The following CHST9 variants were observed in gnomAD, a reference collection of about 807,000 sequenced individuals.
CHST9 encodes the protein carbohydrate sulfotransferase 9, also known as GalNAc-4-sulfotransferase 2.
Under a neutral mutation model 44.4 loss-of-function variants are expected in CHST9, and 41 were observed. The ratio of observed to expected loss-of-function variants is 0.92; its 90% CI spans 0.72 to 1.20. The LOEUF (loss-of-function observed/expected upper bound fraction) is 1.20, where lower values mean the gene tolerates loss of function less well. CHST9 is among the 50% of genes most tolerant of loss of function. CHST9 has a pLI of 0.00. For synonymous variants in CHST9, 171 were observed against 178.4 expected (o/e 0.96, Z 0.33); for missense variants, 504 against 516.5 (o/e 0.98, Z 0.23).
chr18:27,112,177 A>G (rs2058276991), intron 2 of CHST9, among the ~76,000 whole-genome samples: 1 of 149,732 alleles, frequency 6.7e-6, no homozygotes, highest in African/African-American at 2.4e-5. Flanking sequence ...ACCTACATGT[A>G]TATATATATG....
At chr18:26,955,107 T>A (rs893008178) in intron 4 of CHST9, among the ~76,000 whole-genome samples, 1 of 152,188 alleles carries the variant, frequency 6.6e-6, no homozygotes, top group East Asian at 1.9e-4. Flanking sequence ...TGACTGCTGA[T>A]GAATTCTGGG....
intron 5 of CHST9, among the ~76,000 whole-genome samples, chr18:26,941,561 T>C (rs1255592369): frequency 6.6e-6 from 1 of 151,910 alleles, no homozygotes; most frequent in African/African-American, 2.4e-5. Context: ...AGAAAACCTA[T>C]AGAAGATTTC....
At chr18:27,135,741 C>T (rs1264287913) in intron 2 of CHST9, among the ~76,000 whole-genome samples, 3 of 152,192 alleles carry the variant, frequency 2.0e-5, no homozygotes, top group African/African-American at 4.8e-5. Flanking sequence ...GACCAAGGCA[C>T]GTGTTCCTTA....
At chr18:27,137,994 G>T (rs912933055) in intron 2 of CHST9, among the ~76,000 whole-genome samples, 1 of 152,086 alleles carries the variant, frequency 6.6e-6, no homozygotes, top group African/African-American at 2.4e-5. Context: ...TCCTCTGCAC[G>T]CTTTCACCTG....
At chr18:27,092,807 A>G (rs558584390) in intron 2 of CHST9, among the ~76,000 whole-genome samples, 1 of 152,242 alleles carries the variant, frequency 6.6e-6, no homozygotes, top group Admixed American at 6.5e-5. Flanking sequence ...GTGGTCTGAG[A>G]GACAGTTTGT....
At chr18:26,923,510 C>T (rs1350867082) in intron 5 of CHST9, among the ~76,000 whole-genome samples, 6 of 150,656 alleles carry the variant, frequency 4.0e-5, no homozygotes, top group Non-Finnish European at 8.9e-5. Flanking sequence ...CTTATTCAGG[C>T]AACAAATTCA....
At chr18:27,115,405 A>T (rs1295112252) in intron 2 of CHST9, among the ~76,000 whole-genome samples, 3 of 152,164 alleles carry the variant, frequency 2.0e-5, no homozygotes, top group African/African-American at 7.2e-5. Context: ...TCATATAATA[A>T]CTCTATGTTT....
At chr18:27,167,593 G>C (rs2058800462) in intron 1 of CHST9, among the ~76,000 whole-genome samples, 1 of 152,158 alleles carries the variant, frequency 6.6e-6, no homozygotes, top group South Asian at 2.1e-4. Flanking sequence ...TATTACACAG[G>C]CAGTGTTTAG....
intron 5 of CHST9, among the ~76,000 whole-genome samples, chr18:26,919,107 C>A (rs1004026195): frequency 2.6e-5 from 4 of 152,054 alleles, no homozygotes; most frequent in Non-Finnish European, 5.9e-5. Context: ...ACGAGGACAG[C>A]ATGGGAAAAA....
chr18:27,084,404 T>G (rs528699761), intron 2 of CHST9, among the ~76,000 whole-genome samples: 1 of 151,988 alleles, frequency 6.6e-6, no homozygotes, highest in East Asian at 1.9e-4. Context: ...AATTTATTCA[T>G]TTCTTGTAGG....
chr18:26,967,998 G>A (rs571900916), intron 4 of CHST9, among the ~76,000 whole-genome samples: 364 of 152,296 alleles, frequency 2.4e-3, no homozygotes, highest in Middle Eastern at 3.4e-3. Flanking sequence ...TTTGCCAGGG[G>A]CTCTCAGGCC....
intron 2 of CHST9, among the ~76,000 whole-genome samples, chr18:27,099,484 C>T (rs532300465): frequency 6.6e-6 from 1 of 151,930 alleles, no homozygotes; most frequent in South Asian, 2.1e-4. Flanking sequence ...ACTTAAAACA[C>T]TTGAACAAGC....
chr18:26,946,067 A>G (rs1173166138), intron 4 of CHST9, among the ~76,000 whole-genome samples: 3 of 152,070 alleles, frequency 2.0e-5, no homozygotes, highest in African/African-American at 4.8e-5. Flanking sequence ...CCAGTCTCAG[A>G]CTCGCCAGAT....
intron 2 of CHST9, among the ~76,000 whole-genome samples, chr18:27,095,043 T>C (rs1217765418): frequency 5.9e-5 from 9 of 152,178 alleles, no homozygotes; most frequent in Non-Finnish European, 1.2e-4. Flanking sequence ...AAAAATATTC[T>C]TTTGGGGAAG....
chr18:27,008,289 T>A (rs1231415694), intron 4 of CHST9, among the ~76,000 whole-genome samples: 2 of 152,162 alleles, frequency 1.3e-5, no homozygotes, highest in Admixed American at 1.3e-4. Context: ...GTTGGGAGAT[T>A]AAATTTCAAA....
intron 2 of CHST9, among the ~76,000 whole-genome samples, chr18:27,106,005 G>A (rs75688913): frequency 0.01 from 1,569 of 152,202 alleles, 17 homozygotes; most frequent in Middle Eastern, 0.041. Flanking sequence ...TCTACTTCTG[G>A]AAAGGCAGGC....
Position 27,123,591 on chromosome 18 carries a change from A to G in CHST9, c.121+19098T>C, listed in dbSNP as rs1240023682. On this transcript the variant is annotated intron_variant, in intron 2 of 5. Coordinates refer to ENST00000618847, the MANE Select transcript of CHST9 (RefSeq NM_031422.6). ...TGGGGAGGGCTAATAGGCAATGGGG[A>G]AAAATGTCAAAAATCAGAGAAGATT... Among the ~76,000 whole-genome samples, 3 of 152,360 alleles carry G rather than the reference A, an allele frequency of 2.0e-5. No homozygotes were observed. The East Asian group carries it at 5.8e-4, about 29-fold the overall frequency.
At chr18:27,176,894 T>C (rs2058872791) in intron 1 of CHST9, among the ~76,000 whole-genome samples, 1 of 152,048 alleles carries the variant, frequency 6.6e-6, no homozygotes, top group Admixed American at 6.6e-5. Flanking sequence ...AAAATGACTT[T>C]GCTAGACTTT....
chr18:26,989,941 C>T (rs1210752458), intron 4 of CHST9, among the ~76,000 whole-genome samples: 2 of 151,812 alleles, frequency 1.3e-5, no homozygotes, highest in South Asian at 2.1e-4. Flanking sequence ...CAGAGTGAGA[C>T]TCTGTCTGAA....
Sources: gnomAD v4.1 joint callset for allele counts (sites outside exome capture counted in the v4.1 genomes callset) on GRCh38, gnomAD v4.1.1 for gene constraint, MANE v1.5 for transcripts, NCBI Gene and HGNC (gene_info 2026-07-23, HGNC 2026-07-21) for gene names.